USH2A: variants seen among roughly 807,000 people sequenced by gnomAD.
USH2A encodes the protein usherin, also known as Usher syndrome 2A (autosomal recessive, mild).
In USH2A, 443 loss-of-function variants were observed where a neutral mutation model predicts 538.9. That is an observed-to-expected ratio of 0.82 (90% CI 0.76 to 0.89). The LOEUF (loss-of-function observed/expected upper bound fraction) is 0.89. Ranked by LOEUF, USH2A falls within the 40% of genes least tolerant of loss-of-function variation. USH2A has a pLI of 0.00. For synonymous variants in USH2A, 2,413 were observed against 2,273.5 expected, an observed-to-expected ratio of 1.06 and a Z score of -1.75; for missense variants, 6,633 against 6,324.8, an observed-to-expected ratio of 1.05 and a Z score of -1.65.
At chr1:216,181,341 C>T (rs574999522) in intron 20 of USH2A, among the ~76,000 whole-genome samples, 12 of 152,114 alleles carry the variant, frequency 7.9e-5, no homozygotes, top group South Asian at 2.1e-4. Context: ...TCATAAGCCA[C>T]GAATGGGTAC....
chr1:215,650,248 C>T (rs1012062127), intron 65 of USH2A, among the ~76,000 whole-genome samples: 1 of 152,174 alleles, frequency 6.6e-6, no homozygotes, highest in African/African-American at 2.4e-5. Flanking sequence ...TTGCCAACTT[C>T]TTACTATGTG....
At chr1:215,631,509 T>C (rs1392265533) in intron 70 of USH2A, among the ~76,000 whole-genome samples, 1 of 152,206 alleles carries the variant, frequency 6.6e-6, no homozygotes, top group Non-Finnish European at 1.5e-5. Flanking sequence ...AGCAGTTTGG[T>C]TTAAAAATAT....
At chr1:216,074,394 C>G (rs2031679135) in intron 27 of USH2A, among the ~76,000 whole-genome samples, 1 of 151,968 alleles carries the variant, frequency 6.6e-6, no homozygotes, top group Admixed American at 6.6e-5. Context: ...AACACATGAT[C>G]AGCTCTTTTC....
intron 50 of USH2A, among the ~76,000 whole-genome samples, chr1:215,796,951 T>C (rs1341778357): frequency 6.6e-6 from 1 of 152,228 alleles, no homozygotes; most frequent in African/African-American, 2.4e-5. Context: ...CTCTTTATTA[T>C]ATCTTATAAG....
At chr1:216,081,487 T>C (rs2031939362) in intron 26 of USH2A, among the ~76,000 whole-genome samples, 1 of 152,174 alleles carries the variant, frequency 6.6e-6, no homozygotes, top group East Asian at 1.9e-4. Context: ...CAGACCGTAA[T>C]GTTAAGTTTT....
chr1:215,729,422 T>C (rs1165111501), intron 60 of USH2A, among the ~76,000 whole-genome samples: 2 of 152,208 alleles, frequency 1.3e-5, no homozygotes, highest in Admixed American at 1.3e-4. Flanking sequence ...TCAAGACCAC[T>C]GTTTTTTCTA....
chr1:215,824,546 G>C lies in USH2A; in HGVS notation c.9372-7351C>G, dbSNP rs552932501. Among the ~76,000 whole-genome samples, 4 of 152,208 alleles carry C rather than the reference G, an allele frequency of 2.6e-5. No homozygotes were observed. The East Asian group carries it at 7.8e-4, about 30-fold the overall frequency. ...GATTGGTGCCCAGGAAACCTGTGGA[G>C]CAAAACTACTACAGTGTGGTGCTGC... On this transcript the variant is annotated intron_variant, in intron 47 of 71. Coordinates refer to ENST00000307340, the MANE Select transcript of USH2A (RefSeq NM_206933.4).
chr1:216,193,690 A>G (rs1366985548), intron 19 of USH2A, among the ~76,000 whole-genome samples: 1 of 152,100 alleles, frequency 6.6e-6, no homozygotes, highest in East Asian at 1.9e-4. Context: ...AGGACTTGTG[A>G]AGACAGAGGC....
intron 38 of USH2A, among the ~76,000 whole-genome samples, chr1:215,902,076 TTTAA>T (rs557848343): frequency 9.4e-4 from 143 of 152,296 alleles, no homozygotes; most frequent in Non-Finnish European, 1.5e-3. Context: ...TTTAGCATAA[TTTAA>T]TTGCTAGTAT....
chr1:216,331,006 A>G (rs1401427606), intron 4 of USH2A, among the ~76,000 whole-genome samples: 1 of 152,076 alleles, frequency 6.6e-6, no homozygotes, highest in Non-Finnish European at 1.5e-5. Context: ...TGGGTTTTAT[A>G]ACCTTTAAAA....
intron 37 of USH2A, among the ~76,000 whole-genome samples, chr1:215,952,578 G>T (rs1042949393): frequency 8.5e-5 from 13 of 152,106 alleles, no homozygotes; most frequent in African/African-American, 2.9e-4. Flanking sequence ...AGGTGTGGTG[G>T]TGACAAAATC....
intron 21 of USH2A, among the ~76,000 whole-genome samples, chr1:216,151,407 G>C (rs1388990836): frequency 6.6e-6 from 1 of 152,062 alleles, no homozygotes. Context: ...TTGCAAATGG[G>C]ACCGAAGAGC....
chr1:216,236,115 T>C (rs1351609680), intron 13 of USH2A, among the ~76,000 whole-genome samples: 2 of 152,152 alleles, frequency 1.3e-5, no homozygotes, highest in Admixed American at 6.6e-5. Context: ...AATATTAATA[T>C]TATTCATCCC....
chr1:216,319,583 A>G (rs2037569288), intron 9 of USH2A, among the ~76,000 whole-genome samples: 1 of 152,190 alleles, frequency 6.6e-6, no homozygotes. Context: ...GATCTAGAAA[A>G]TAAATTCAAA....
chr1:216,027,351 T>C (rs889177208), intron 32 of USH2A, among the ~76,000 whole-genome samples: 5 of 152,164 alleles, frequency 3.3e-5, no homozygotes, highest in Non-Finnish European at 7.4e-5. Context: ...AGAGGAAACC[T>C]AACCTATGGA....
chr1:216,068,163 G>A (rs1049788280), intron 30 of USH2A, among the ~76,000 whole-genome samples: 4 of 152,168 alleles, frequency 2.6e-5, no homozygotes, highest in African/African-American at 9.7e-5. Context: ...ATGTAAACAT[G>A]GCAGTTTTTG....
intron 31 of USH2A, 42 bp from the exon 32 acceptor site, chr1:216,046,634 T>C (rs148841142): frequency 6.2e-7 from 1 of 1,611,678 alleles, no homozygotes; most frequent in Admixed American, 1.7e-5. Context: ...TTAGTTTACT[T>C]TTCTAATTCA....
chr1:216,268,009 T>C (rs1340819395), intron 11 of USH2A, among the ~76,000 whole-genome samples: 2 of 152,166 alleles, frequency 1.3e-5, no homozygotes, highest in Non-Finnish European at 2.9e-5. Context: ...TATGATGTTT[T>C]ATACATGTTT....
At chr1:215,774,046 C>T (rs1227626768) in intron 55 of USH2A, among the ~76,000 whole-genome samples, 1 of 152,022 alleles carries the variant, frequency 6.6e-6, no homozygotes, top group African/African-American at 2.4e-5. Flanking sequence ...TTCCACTTAC[C>T]CAAGCCAATT....
Sources: allele counts gnomAD v4.1 joint callset (sites outside exome capture counted in the v4.1 genomes callset), GRCh38; gene constraint gnomAD v4.1.1; transcripts MANE v1.5; gene names NCBI Gene and HGNC (gene_info 2026-07-23, HGNC 2026-07-21).